Variants in RPTOR observed in about 807,000 individuals in gnomAD.
RPTOR encodes the protein regulatory-associated protein of mTOR.
A neutral mutation model predicts 169.9 loss-of-function variants in RPTOR; 21 were observed. That is an observed-to-expected ratio of 0.12 (90% confidence interval 0.09 to 0.18). RPTOR has a LOEUF of 0.18. Ranked by LOEUF, RPTOR falls within the 10% of genes least tolerant of loss-of-function variation. The probability of loss-of-function intolerance (pLI) is 1.00; values close to 1 mark genes in which losing one functional copy is unlikely to be tolerated. For synonymous variants in RPTOR, 732 were observed against 753.2 expected (o/e 0.97, Z 0.46); for missense variants, 1,133 against 1,855.9 (o/e 0.61, Z 7.16).
chr17:80,596,773 G>T (rs2065147525), intron 1 of RPTOR, among the ~76,000 whole-genome samples: 1 of 152,148 alleles, frequency 6.6e-6, no homozygotes, highest in South Asian at 2.1e-4. Context: ...CCAAAGAGAG[G>T]CTAGCTTGGA....
At chr17:80,931,410 G>A (rs1323439699) in intron 24 of RPTOR, among the ~76,000 whole-genome samples, 3 of 152,294 alleles carry the variant, frequency 2.0e-5, no homozygotes, top group East Asian at 1.9e-4. Flanking sequence ...TTTGCGCAAG[G>A]CTAAACCTGG....
chr17:80,846,658 C>G (rs1203736122), intron 11 of RPTOR, 84 bp downstream of exon 11: 10 of 1,147,488 alleles, frequency 8.7e-6, no homozygotes, highest in Admixed American at 1.9e-5. Flanking sequence ...AGTGCCTTCT[C>G]TCTCCCTGAG....
intron 13 of RPTOR, 91 bp from the exon 14 acceptor site, chr17:80,880,323 TC>T (rs2068172165): frequency 1.9e-6 from 2 of 1,051,408 alleles, no homozygotes; most frequent in Non-Finnish European, 3.0e-6. Flanking sequence ...GTATAAGAAG[TC>T]CCTGCCCTTA....
At chr17:80,841,547 CTCACTCTCACCGCACGGCAGA>C (rs1555625707) in intron 10 of RPTOR, among the ~76,000 whole-genome samples, 1 of 123,460 alleles carries the variant, frequency 8.1e-6, no homozygotes, top group African/African-American at 3.4e-5. Context: ...CACACGGCAG[CTCACTCTCACCGCACGGCAGA>C]TCACTCTCAC....
At chr17:80,590,979 A>G (rs1362417765) in intron 1 of RPTOR, among the ~76,000 whole-genome samples, 3 of 151,976 alleles carry the variant, frequency 2.0e-5, no homozygotes, top group Non-Finnish European at 2.9e-5. Flanking sequence ...CATGTCTTCT[A>G]TGCCTTTATG....
At chr17:80,597,163 C>G (rs1334478567) in intron 1 of RPTOR, among the ~76,000 whole-genome samples, 4 of 152,212 alleles carry the variant, frequency 2.6e-5, no homozygotes, top group African/African-American at 7.2e-5. Flanking sequence ...TAGTACCAAG[C>G]TCAAGCCTCG....
chr17:80,927,512 C>T (rs920179147), intron 24 of RPTOR, among the ~76,000 whole-genome samples: 3 of 152,036 alleles, frequency 2.0e-5, no homozygotes, highest in Non-Finnish European at 4.4e-5. Flanking sequence ...TGACTTTTCC[C>T]CAAAGGATTT....
At chr17:80,566,995 G>A (rs2064850558) in intron 1 of RPTOR, among the ~76,000 whole-genome samples, 1 of 150,616 alleles carries the variant, frequency 6.6e-6, no homozygotes, top group African/African-American at 2.4e-5. Context: ...TTTTGAGACA[G>A]AGTCTCACTC....
Position 80,860,019 on chromosome 17 carries a change from C to G in RPTOR, c.1509+2119C>G, listed in dbSNP as rs1051868503. ...AGCAAGTACAGGAGAGTGCCAAGAA[C>G]ACCTTGGAGAGGCCATGGCTTGGAG... On this transcript the variant is annotated intron_variant, in intron 13 of 33. Transcript: ENST00000306801. The surrounding 1 kb of genome is among the most constrained non-coding windows in gnomAD (Gnocchi z 5.8). 1.3e-5 allele frequency among the ~76,000 whole-genome samples: 2 copies of G among 150,838 alleles called. No homozygotes were observed. Among genetic ancestry groups the G allele is most frequent in the African/African-American group, 4.8e-5 (2 of 41,362 alleles).
At chr17:80,734,114 G>T (rs1484683521) in intron 5 of RPTOR, among the ~76,000 whole-genome samples, 2 of 152,222 alleles carry the variant, frequency 1.3e-5, no homozygotes, top group Non-Finnish European at 2.9e-5. Flanking sequence ...TCGCTCAGTG[G>T]CTAGAGTACT....
At chr17:80,817,326 C>T (rs2143597095) in intron 7 of RPTOR, among the ~76,000 whole-genome samples, 1 of 152,276 alleles carries the variant, frequency 6.6e-6, no homozygotes, top group African/African-American at 2.4e-5. Context: ...GCAGGGGAGA[C>T]ATCCTGATGA....
intron 1 of RPTOR, among the ~76,000 whole-genome samples, chr17:80,587,769 T>G (rs184665076): frequency 6.8e-6 from 1 of 147,802 alleles, no homozygotes; most frequent in African/African-American, 2.4e-5. Flanking sequence ...ACCACACATA[T>G]GTATCTTTTT....
At chr17:80,922,645 C>A in intron 21 of RPTOR, 79 bp from the exon 22 acceptor site, 2 of 1,202,496 alleles carry the variant, frequency 1.7e-6, no homozygotes, top group Non-Finnish European at 2.4e-6. Context: ...AGCGGCTCCA[C>A]GCCAGCCTCT....
intron 1 of RPTOR, among the ~76,000 whole-genome samples, chr17:80,607,876 A>G (rs1406327325): frequency 6.6e-6 from 1 of 152,192 alleles, no homozygotes; most frequent in African/African-American, 2.4e-5. Flanking sequence ...TTATAATGCT[A>G]CTTAAACATA....
intron 6 of RPTOR, chr17:80,773,893 G>T (rs1035250649): frequency 1.0e-6 from 1 of 985,410 alleles, no homozygotes; most frequent in Non-Finnish European, 1.2e-6. Context: ...GACCGCTTCT[G>T]ATTCCCTCCA....
intron 3 of RPTOR, among the ~76,000 whole-genome samples, chr17:80,694,075 G>C (rs544255321): frequency 6.6e-6 from 1 of 152,264 alleles, no homozygotes; most frequent in East Asian, 1.9e-4. Context: ...TCAAGAATGC[G>C]AGCTGAAGAT....
At chr17:80,753,632 CAAA>C (rs35693819) in intron 5 of RPTOR, among the ~76,000 whole-genome samples, 3 of 94,986 alleles carry the variant, frequency 3.2e-5, no homozygotes, top group Admixed American at 1.2e-4. Context: ...AACTCCGTCT[CAAA>C]AAAAAAAAAA....
At chr17:80,949,581 G>A (rs1482127418) in intron 28 of RPTOR, 34 bp downstream of exon 28, 3 of 1,561,548 alleles carry the variant, frequency 1.9e-6, no homozygotes, top group Non-Finnish European at 2.6e-6. Context: ...AGAGCAGAAT[G>A]TGTTCCCGGG....
At position 80,957,246 on chromosome 17, in the gene RPTOR, G is replaced by A. The variant is rs1178514523; in HGVS notation, c.3371-378G>A. 2.6e-5 allele frequency among the ~76,000 whole-genome samples: 1 copy of A among 37,800 alleles called. No individual in the cohort carries two copies. The highest frequency in any genetic ancestry group is 4.8e-5 in the Non-Finnish European group (1 of 20,916). 24.8% of individuals were successfully genotyped at this position (37,800 alleles called of 152,430 possible). A position where few individuals can be genotyped will look rare whatever the true frequency, so the allele number is the denominator to read the frequency against. On this transcript the variant is annotated intron_variant, in intron 28 of 33. Coordinates refer to ENST00000306801, the MANE Select transcript of RPTOR (RefSeq NM_020761.3). The surrounding 1 kb of genome is among the most constrained non-coding windows in gnomAD (Gnocchi z 4.6). The stretch of plus-strand genomic sequence containing the variant: ...AGCTTAGAATTGTCACCCCGGCCTG[G>A]ACTTGGGAGTTCCAGCTTAGAACTG...
Sources: gnomAD v4.1 joint callset for allele counts (sites outside exome capture counted in the v4.1 genomes callset) on GRCh38, gnomAD v4.1.1 for gene constraint, Gnocchi (gnomAD v3.1) non-coding constraint, MANE v1.5 for transcripts, NCBI Gene and HGNC (gene_info 2026-07-23, HGNC 2026-07-21) for gene names.